Variants in GSTA5 observed in about 807,000 individuals in gnomAD.
GSTA5 encodes the protein glutathione S-transferase A5.
A neutral mutation model predicts 21.8 loss-of-function variants in GSTA5; 25 were observed. The ratio of observed to expected loss-of-function variants is 1.14; its 90% CI spans 0.83 to 1.60. The LOEUF (loss-of-function observed/expected upper bound fraction) is 1.60, where lower values mean the gene tolerates loss of function less well. Ranked by LOEUF, GSTA5 falls within the 40% of genes most tolerant of loss-of-function variation. GSTA5 has a pLI of 0.00. For synonymous variants in GSTA5, 102 were observed against 89.5 expected (o/e 1.14, Z -0.78); for missense variants, 330 against 259.2 (o/e 1.27, Z -1.88).
Position 52,834,334 on chromosome 6 carries a change from T to C in GSTA5, c.273-52A>G. ...CAAATGCCTTTTGCCTTAGATTTTATAGGTTTATAAAAACCTAAGAAAATA... is the reference window on the plus strand; with the variant it reads ...CAAATGCCTTTTGCCTTAGATTTTACAGGTTTATAAAAACCTAAGAAAATA... On this transcript the variant is annotated intron_variant, in intron 3 of 5. Transcript: ENST00000370989. 4 of 1,559,026 alleles carry C rather than the reference T, an allele frequency of 2.6e-6. No homozygotes were observed. In the South Asian group the frequency reaches 4.8e-5, roughly 19 times the overall value.
intron 1 of GSTA5, among the ~76,000 whole-genome samples, chr6:52,840,192 T>G (rs1238033817): frequency 1.3e-5 from 2 of 152,204 alleles, no homozygotes; most frequent in Non-Finnish European, 2.9e-5. Flanking sequence ...GCATAAAAAT[T>G]CTCCTTATAT....
intron 4 of GSTA5, among the ~76,000 whole-genome samples, chr6:52,833,217 C>A (rs1382042609): frequency 6.6e-6 from 1 of 152,206 alleles, no homozygotes; most frequent in African/African-American, 2.4e-5. Flanking sequence ...TTCTCATCCA[C>A]ATCACTGTGG....
At chr6:52,837,408 G>A (rs878901077) in intron 2 of GSTA5, 150 bp downstream of exon 2, 1 of 501,402 alleles carries the variant, frequency 2.0e-6, no homozygotes, top group Non-Finnish European at 3.6e-6. Flanking sequence ...CCTGATCAAG[G>A]AGCCACATCC....
At chr6:52,839,705 T>G (rs1189250915) in intron 1 of GSTA5, among the ~76,000 whole-genome samples, 1 of 152,150 alleles carries the variant, frequency 6.6e-6, no homozygotes, top group Non-Finnish European at 1.5e-5. Context: ...CCTCAGGCAG[T>G]CGCTGAAGGA....
chr6:52,836,174 C>G, intron 3 of GSTA5, 62 bp downstream of exon 3: 4 of 1,587,942 alleles, frequency 2.5e-6, no homozygotes, highest in Admixed American at 1.7e-5. Flanking sequence ...CCCACCCACT[C>G]AAAGAAGGAC....
chr6:52,834,315 C>G, intron 3 of GSTA5, 33 bp from the exon 4 acceptor site: 1 of 1,586,730 alleles, frequency 6.3e-7, no homozygotes, highest in Non-Finnish European at 8.6e-7. Flanking sequence ...CCATCAAATG[C>G]CTTTTGCCTT....
intron 1 of GSTA5, among the ~76,000 whole-genome samples, chr6:52,839,427 G>A (rs1029935655): frequency 6.6e-6 from 1 of 152,180 alleles, no homozygotes; most frequent in African/African-American, 2.4e-5. Context: ...TTGTACAAAG[G>A]AAACAACCTA....
intron 3 of GSTA5, among the ~76,000 whole-genome samples, 159 bp downstream of exon 3, chr6:52,836,077 C>T (rs1357213716): frequency 1.3e-5 from 2 of 152,194 alleles, no homozygotes; most frequent in Non-Finnish European, 2.9e-5. Flanking sequence ...TCACTGTTCC[C>T]TCATCTCCAT....
At position 52,840,818 on chromosome 6, in the gene GSTA5, G is replaced by T. The variant is rs1335388434; in HGVS notation, c.-5C>A. 3.7e-6 allele frequency: 6 copies of T among 1,612,764 alleles called. No individual in the cohort carries two copies. The highest frequency in any genetic ancestry group is 5.1e-6 in the Non-Finnish European group (6 of 1,178,924). ...GAGCTTGGGCTTCTCTGCCATGATAGCAGTCTCCTGGAGGTTTCTCTAAGC... is the reference window on the plus strand; with the variant it reads ...GAGCTTGGGCTTCTCTGCCATGATATCAGTCTCCTGGAGGTTTCTCTAAGC... On this transcript the variant is annotated 5_prime_UTR_variant, in exon 1 of 6. Coordinates refer to ENST00000370989, the Ensembl canonical transcript of GSTA5.
chr6:52,835,325 A>G (rs1292266258), intron 3 of GSTA5, among the ~76,000 whole-genome samples: 1 of 152,194 alleles, frequency 6.6e-6, no homozygotes, highest in Non-Finnish European at 1.5e-5. Flanking sequence ...TTGTTTAACC[A>G]TCTTGTAGCA....
At chr6:52,844,747 C>CA (rs1310522006), upstream of GSTA5, among the ~76,000 whole-genome samples, 4 of 152,252 alleles carry the variant, frequency 2.6e-5, no homozygotes, top group East Asian at 7.7e-4. Context: ...AGATAACGTA[C>CA]AAAAAATTCA....
intron 3 of GSTA5, 92 bp from the exon 4 acceptor site, chr6:52,834,374 G>A (rs1764264253): frequency 7.7e-7 from 1 of 1,303,640 alleles, no homozygotes; most frequent in African/African-American, 1.5e-5. Flanking sequence ...GTCAGATGGT[G>A]GCAAAGTAAT....
chr6:52,837,309 A>G (rs1288218728), intron 2 of GSTA5, among the ~76,000 whole-genome samples: 1 of 152,192 alleles, frequency 6.6e-6, no homozygotes, highest in East Asian at 1.9e-4. Context: ...ATGAAAACAG[A>G]AAAAGGGCTT....
intron 5 of GSTA5, 119 bp from the exon 6 acceptor site, chr6:52,832,089 A>G (rs1231242359): frequency 1.5e-6 from 2 of 1,362,692 alleles, no homozygotes; most frequent in African/African-American, 1.5e-5. Flanking sequence ...CATGAGTACC[A>G]GCATGGAGGC....
intron 3 of GSTA5, among the ~76,000 whole-genome samples, chr6:52,835,383 A>G (rs1764276789): frequency 2.0e-5 from 3 of 152,180 alleles, no homozygotes; most frequent in Non-Finnish European, 4.4e-5. Context: ...TTTCCATTGC[A>G]TGGCTAAGGC....
chr6:52,832,376 C>CG (rs753695251), intron 5 of GSTA5, among the ~76,000 whole-genome samples: 3 of 152,078 alleles, frequency 2.0e-5, no homozygotes, highest in Admixed American at 6.5e-5. Flanking sequence ...ACCATGGGAC[C>CG]ACCTTTTCTC....
chr6:52,834,876 TGC>T (rs143745564), intron 3 of GSTA5, among the ~76,000 whole-genome samples: 11 of 152,324 alleles, frequency 7.2e-5, no homozygotes, highest in Non-Finnish European at 1.3e-4. Context: ...TAGCCATGTG[TGC>T]CTTTCCTGAG....
chr6:52,841,469 A>G (rs1008696094), upstream of GSTA5, among the ~76,000 whole-genome samples: 1 of 152,244 alleles, frequency 6.6e-6, no homozygotes, highest in Non-Finnish European at 1.5e-5. Flanking sequence ...GTGAGACTGC[A>G]TTTGATCAAA....
chr6:52,840,984 C>T (rs1245168483), upstream of GSTA5: 1 of 612,366 alleles, frequency 1.6e-6, no homozygotes, highest in Non-Finnish European at 2.8e-6. Context: ...GTTTTCTTGG[C>T]TCAAATTGTT....
Sources: gnomAD v4.1 joint callset for allele counts (sites outside exome capture counted in the v4.1 genomes callset) on GRCh38, gnomAD v4.1.1 for gene constraint, MANE v1.5 for transcripts, NCBI Gene and HGNC (gene_info 2026-07-23, HGNC 2026-07-21) for gene names.